The following PARP8 variants were observed in gnomAD, a reference collection of about 807,000 sequenced individuals.
PARP8 encodes the protein protein mono-ADP-ribosyltransferase PARP8.
In PARP8, 51 loss-of-function variants were observed where a neutral mutation model predicts 124.1. The ratio of observed to expected loss-of-function variants is 0.41; its 90% CI spans 0.33 to 0.52. The LOEUF is 0.52. Among genes scored for constraint, PARP8 ranks in the 20% least tolerant of loss-of-function variants. PARP8 has a pLI of 0.21. For synonymous variants in PARP8, 391 were observed against 361.5 expected, an observed-to-expected ratio of 1.08 and a Z score of -0.93; for missense variants, 860 against 1,018.9, an observed-to-expected ratio of 0.84 and a Z score of 2.12.
At chr5:50,830,327 A>G (rs1279871094) in intron 22 of PARP8, among the ~76,000 whole-genome samples, 3 of 152,160 alleles carry the variant, frequency 2.0e-5, no homozygotes, top group Non-Finnish European at 4.4e-5. Flanking sequence ...TATCTTTGTA[A>G]TATTATTCAT....
At chr5:50,711,951 C>A (rs1754807998) in intron 2 of PARP8, among the ~76,000 whole-genome samples, 1 of 151,964 alleles carries the variant, frequency 6.6e-6, no homozygotes, top group Non-Finnish European at 1.5e-5. Context: ...TAATAATAAA[C>A]CTTCTGAGAA....
At chr5:50,771,364 G>C (rs1027059572) in intron 7 of PARP8, among the ~76,000 whole-genome samples, 8 of 152,064 alleles carry the variant, frequency 5.3e-5, no homozygotes, top group African/African-American at 1.7e-4. Context: ...TCACCATGTT[G>C]GTCAGGCTGG....
At chr5:50,806,427 A>G (rs1743849829) in intron 14 of PARP8, among the ~76,000 whole-genome samples, 1 of 152,052 alleles carries the variant, frequency 6.6e-6, no homozygotes, top group East Asian at 1.9e-4. Flanking sequence ...TACTATTAGT[A>G]TTCTTGGTGT....
chr5:50,778,454 A>G, intron 8 of PARP8, 106 bp from the exon 9 acceptor site: 2 of 889,678 alleles, frequency 2.2e-6, no homozygotes, highest in East Asian at 2.6e-5. Flanking sequence ...ATAGGCCTTC[A>G]TGTTATATGC....
chr5:50,717,787 C>G (rs1048348913), intron 2 of PARP8, among the ~76,000 whole-genome samples: 1 of 151,920 alleles, frequency 6.6e-6, no homozygotes, highest in African/African-American at 2.4e-5. Flanking sequence ...GACCTCATGA[C>G]TTCCTTCTCT....
chr5:50,797,747 C>T (rs899733583), intron 14 of PARP8, among the ~76,000 whole-genome samples: 1 of 152,180 alleles, frequency 6.6e-6, no homozygotes, highest in Non-Finnish European at 1.5e-5. Context: ...AAATAAGAAT[C>T]AGTGTATACG....
intron 3 of PARP8, chr5:50,757,283 A>T: frequency 2.5e-6 from 1 of 395,322 alleles, no homozygotes; most frequent in Admixed American, 3.0e-5. Flanking sequence ...AAAACAGGCC[A>T]ATAATCAGTA....
intron 7 of PARP8, among the ~76,000 whole-genome samples, chr5:50,768,891 A>G (rs923761241): frequency 5.3e-5 from 8 of 152,184 alleles, no homozygotes; most frequent in African/African-American, 1.9e-4. Flanking sequence ...ATGGGTTTGC[A>G]TATACACAGC....
intron 17 of PARP8, among the ~76,000 whole-genome samples, chr5:50,824,460 A>G (rs924492852): frequency 2.0e-5 from 3 of 152,200 alleles, no homozygotes; most frequent in Non-Finnish European, 4.4e-5. Context: ...AAGGCAAGGA[A>G]AAGAAGATGG....
chr5:50,838,684 G>A (rs1179259621), intron 25 of PARP8, among the ~76,000 whole-genome samples: 2 of 151,888 alleles, frequency 1.3e-5, no homozygotes, highest in East Asian at 1.9e-4. Context: ...TAGAAGCATG[G>A]CATTCTCCAA....
chr5:50,779,378 G>T (rs1399241905), intron 9 of PARP8, among the ~76,000 whole-genome samples: 1 of 152,144 alleles, frequency 6.6e-6, no homozygotes, highest in African/African-American at 2.4e-5. Flanking sequence ...TTGCAGTTAT[G>T]TGTGGGTGGG....
chr5:50,779,387 G>A (rs1740410447), intron 9 of PARP8, among the ~76,000 whole-genome samples: 1 of 152,094 alleles, frequency 6.6e-6, no homozygotes, highest in South Asian at 2.1e-4. Context: ...TGTGTGGGTG[G>A]GGCTGGGGCC....
chr5:50,778,362 C>T (rs774428207), intron 8 of PARP8, among the ~76,000 whole-genome samples, 198 bp from the exon 9 acceptor site: 2 of 151,974 alleles, frequency 1.3e-5, no homozygotes, highest in East Asian at 1.9e-4. Flanking sequence ...TACAATACTT[C>T]GTTATATTTT....
intron 1 of PARP8, 105 bp from the exon 2 acceptor site, chr5:50,667,966 C>T (rs1749547380): frequency 6.3e-7 from 1 of 1,598,550 alleles, no homozygotes; most frequent in South Asian, 1.1e-5. Flanking sequence ...TGCCTTCTGC[C>T]CGGCCAGGCC....
intron 15 of PARP8, among the ~76,000 whole-genome samples, chr5:50,820,951 C>T (rs1252353183): frequency 4.6e-5 from 7 of 152,300 alleles, no homozygotes; most frequent in African/African-American, 1.7e-4. Context: ...ACCATAGGGT[C>T]TAGAACAATA....
chr5:50,748,282 G>T (rs1758840582), intron 2 of PARP8, among the ~76,000 whole-genome samples: 1 of 151,902 alleles, frequency 6.6e-6, no homozygotes, highest in South Asian at 2.1e-4. Context: ...TACATCATAT[G>T]TAAGGATTTT....
chr5:50,763,669 T>C (rs1760780928), intron 7 of PARP8, among the ~76,000 whole-genome samples: 1 of 152,176 alleles, frequency 6.6e-6, no homozygotes, highest in Non-Finnish European at 1.5e-5. Flanking sequence ...ACAGTACTTG[T>C]TTGAATGATC....
intron 3 of PARP8, among the ~76,000 whole-genome samples, chr5:50,754,154 C>CATATATATATATATATATAT (rs1166380983): frequency 2.4e-5 from 1 of 41,554 alleles, no homozygotes; most frequent in Non-Finnish European, 4.8e-5. Context: ...TATATATACA[C>CATATATATATATATATATAT]ACACACACAC....
chr5:50,685,256 A>T (rs1215723608), intron 2 of PARP8, among the ~76,000 whole-genome samples: 1 of 152,194 alleles, frequency 6.6e-6, no homozygotes, highest in East Asian at 1.9e-4. Flanking sequence ...GATTAAATAA[A>T]AGGGGATTTT....
Sources: allele counts gnomAD v4.1 joint callset (sites outside exome capture counted in the v4.1 genomes callset), GRCh38; gene constraint gnomAD v4.1.1; transcripts MANE v1.5; gene names NCBI Gene and HGNC (gene_info 2026-07-23, HGNC 2026-07-21).